Variants in CSMD2 observed in about 807,000 individuals in gnomAD.
The protein encoded by CSMD2 is CUB and sushi domain-containing protein 2.
Under a neutral mutation model 398.5 loss-of-function variants are expected in CSMD2, and 130 were observed. That is an observed-to-expected ratio of 0.33 (90% confidence interval 0.28 to 0.38). CSMD2 has a LOEUF of 0.38. Ranked by LOEUF, CSMD2 falls within the 10% of genes least tolerant of loss-of-function variation. CSMD2 has a pLI of 1.00. For missense variants in CSMD2, 3,829 were observed against 4,764.9 expected (o/e 0.80, Z 5.78); for synonymous variants, 1,828 against 1,908.5 (o/e 0.96, Z 1.10).
chr1:33,873,241 T>C (rs1213789161), intron 5 of CSMD2, among the ~76,000 whole-genome samples: 1 of 151,478 alleles, frequency 6.6e-6, no homozygotes, highest in Non-Finnish European at 1.5e-5. Context: ...GGAAGGATGA[T>C]TGCATTTTGT....
At chr1:33,698,725 G>T in intron 24 of CSMD2, 28 bp downstream of exon 24, 2 of 1,595,110 alleles carry the variant, frequency 1.3e-6, no homozygotes, top group Non-Finnish European at 1.7e-6. Context: ...AGACCCAAGG[G>T]TTCCCTGCAG....
At chr1:33,553,316 T>G (rs1657642700) in intron 55 of CSMD2, among the ~76,000 whole-genome samples, 1 of 152,234 alleles carries the variant, frequency 6.6e-6, no homozygotes, top group South Asian at 2.1e-4. Flanking sequence ...GTTACATCTG[T>G]TATGGTGATC....
intron 3 of CSMD2, among the ~76,000 whole-genome samples, chr1:33,966,973 G>A (rs1031636278): frequency 6.6e-6 from 1 of 152,194 alleles, no homozygotes; most frequent in Non-Finnish European, 1.5e-5. Context: ...CTTTAAGTAC[G>A]AGAAAAGGTT....
chr1:33,861,429 A>T (rs1367360155), intron 5 of CSMD2: 1 of 152,238 alleles, frequency 6.6e-6, no homozygotes, highest in South Asian at 2.1e-4. Flanking sequence ...CATATTTACT[A>T]CCTGGCCCTC....
At chr1:33,992,720 A>T (rs1232812162) in intron 3 of CSMD2, among the ~76,000 whole-genome samples, 1 of 151,200 alleles carries the variant, frequency 6.6e-6, no homozygotes, top group Non-Finnish European at 1.5e-5. Flanking sequence ...TAAAAATAAA[A>T]AAAAAAATTA....
intron 32 of CSMD2, among the ~76,000 whole-genome samples, chr1:33,627,690 A>G (rs1438020587): frequency 6.6e-6 from 1 of 152,244 alleles, no homozygotes; most frequent in Non-Finnish European, 1.5e-5. Flanking sequence ...GAGCCTGGCT[A>G]GGAGTCATTG....
chr1:33,905,537 C>A (rs1037480584), intron 5 of CSMD2, among the ~76,000 whole-genome samples: 3 of 152,150 alleles, frequency 2.0e-5, no homozygotes, highest in Non-Finnish European at 4.4e-5. Context: ...CAAAGCAGGG[C>A]AGAAACTGAG....
chr1:33,773,913 G>T (rs1253628101), intron 12 of CSMD2, among the ~76,000 whole-genome samples: 1 of 152,172 alleles, frequency 6.6e-6, no homozygotes, highest in Non-Finnish European at 1.5e-5. Context: ...AGTCCCTGAA[G>T]TTGGTGTGTG....
At chr1:33,643,279 C>T (rs749366728) in intron 29 of CSMD2, among the ~76,000 whole-genome samples, 10 of 152,214 alleles carry the variant, frequency 6.6e-5, no homozygotes, top group Non-Finnish European at 1.2e-4. Context: ...ATATGGGACA[C>T]ATACGTCTAT....
At chr1:33,832,914 AT>A (rs1435764075) in intron 6 of CSMD2, among the ~76,000 whole-genome samples, 2 of 152,230 alleles carry the variant, frequency 1.3e-5, no homozygotes, top group Admixed American at 6.5e-5. Flanking sequence ...AAATGGATAA[AT>A]TCCTAGACAC....
chr1:33,944,511 AG>A (rs1644782085), intron 3 of CSMD2, among the ~76,000 whole-genome samples: 1 of 152,194 alleles, frequency 6.6e-6, no homozygotes, highest in Non-Finnish European at 1.5e-5. Context: ...CCATTAAAAT[AG>A]GATTCATTTT....
chr1:33,825,632 T>G, intron 7 of CSMD2, 65 bp downstream of exon 7: 1 of 1,389,690 alleles, frequency 7.2e-7, no homozygotes, highest in Non-Finnish European at 1.0e-6. Flanking sequence ...TCCCCACGGT[T>G]TAGTGCCTGC....
At chr1:33,523,558 A>G in intron 66 of CSMD2, 139 bp from the exon 67 acceptor site, 1 of 603,224 alleles carries the variant, frequency 1.7e-6, no homozygotes, top group East Asian at 2.8e-5. Flanking sequence ...CATCCCTTTA[A>G]GTCGTAAGTG....
intron 12 of CSMD2, among the ~76,000 whole-genome samples, chr1:33,787,720 T>C (rs969228931): frequency 3.9e-5 from 6 of 152,188 alleles, no homozygotes; most frequent in Admixed American, 3.3e-4. Flanking sequence ...TGTGGATGGC[T>C]TCTCCTTCCA....
chr1:34,057,529 C>T (rs755352549), intron 2 of CSMD2, among the ~76,000 whole-genome samples: 6 of 152,138 alleles, frequency 3.9e-5, no homozygotes, highest in Admixed American at 6.5e-5. Flanking sequence ...TCTCAGTCCC[C>T]GCCCCCTCCC....
At chr1:34,005,789 T>C (rs1305321121) in intron 3 of CSMD2, among the ~76,000 whole-genome samples, 1 of 152,180 alleles carries the variant, frequency 6.6e-6, no homozygotes, top group East Asian at 1.9e-4. Context: ...CTCTGATACC[T>C]CAGATTTGTA....
At chr1:33,892,598 C>A (rs1043527779) in intron 5 of CSMD2, among the ~76,000 whole-genome samples, 1 of 152,200 alleles carries the variant, frequency 6.6e-6, no homozygotes, top group Admixed American at 6.5e-5. Flanking sequence ...TGAGCTACTC[C>A]TCTTAGAATA....
intron 1 of CSMD2, among the ~76,000 whole-genome samples, chr1:34,152,199 T>C (rs886856977): frequency 6.6e-6 from 1 of 152,158 alleles, no homozygotes; most frequent in Admixed American, 6.5e-5. Flanking sequence ...GGAGGCATGA[T>C]GAACAGAACC....
chr1:33,718,637 A>C (rs1646253785), intron 19 of CSMD2, among the ~76,000 whole-genome samples: 1 of 152,226 alleles, frequency 6.6e-6, no homozygotes, highest in African/African-American at 2.4e-5. Flanking sequence ...GAATTGCAGA[A>C]TCTTTGGCCT....
Sources: gnomAD v4.1 joint callset for allele counts (sites outside exome capture counted in the v4.1 genomes callset) on GRCh38, gnomAD v4.1.1 for gene constraint, MANE v1.5 for transcripts, NCBI Gene and HGNC (gene_info 2026-07-23, HGNC 2026-07-21) for gene names.